The following ADD3 variants were observed in gnomAD, a reference collection of about 807,000 sequenced individuals.
ADD3 encodes gamma-adducin.
A neutral mutation model predicts 80.2 loss-of-function variants in ADD3; 25 were observed. The observed-to-expected ratio is 0.31, with a 90% CI of 0.23 to 0.44. The LOEUF (loss-of-function observed/expected upper bound fraction) is 0.44. Among genes scored for constraint, ADD3 ranks in the 20% least tolerant of loss-of-function variants. ADD3 has a pLI of 1.00. For synonymous variants in ADD3, 284 were observed against 289.6 expected, an observed-to-expected ratio of 0.98 and a Z score of 0.20; for missense variants, 829 against 847.5, an observed-to-expected ratio of 0.98 and a Z score of 0.27.
At chr10:110,065,804 T>C (rs1045731571) in intron 1 of ADD3, among the ~76,000 whole-genome samples, 4 of 151,506 alleles carry the variant, frequency 2.6e-5, no homozygotes, top group African/African-American at 7.3e-5. Context: ...CCTCCCAAAG[T>C]GCTGGGATTA....
At chr10:110,130,770 C>T (rs1329732414) in intron 13 of ADD3, among the ~76,000 whole-genome samples, 3 of 151,606 alleles carry the variant, frequency 2.0e-5, no homozygotes, top group Admixed American at 1.3e-4. Flanking sequence ...GCAGGAGAAT[C>T]GCTTGAACCT....
At chr10:110,053,107 G>C (rs1056923985) in intron 1 of ADD3, among the ~76,000 whole-genome samples, 7 of 152,086 alleles carry the variant, frequency 4.6e-5, no homozygotes, top group African/African-American at 1.5e-4. Flanking sequence ...CAGTAGTACA[G>C]TAAATACAAG....
chr10:110,061,563 T>C (rs375720445), intron 1 of ADD3, among the ~76,000 whole-genome samples: 1 of 152,208 alleles, frequency 6.6e-6, no homozygotes, highest in East Asian at 1.9e-4. Context: ...CTGAAATAGA[T>C]GAAATTCAGG....
At chr10:110,059,193 CG>C (rs34431519) in intron 1 of ADD3, among the ~76,000 whole-genome samples, 98,174 of 152,068 alleles carry the variant, frequency 0.65, 36,615 homozygotes, top group Non-Finnish European at 0.82. Flanking sequence ...CCATACAGGC[CG>C]GGTACAGTGG....
chr10:110,119,450 G>A lies in ADD3; in HGVS notation c.862-16G>A. On this transcript the variant is annotated splice_polypyrimidine_tract_variant and intron_variant, in intron 7 of 14. Transcript: ENST00000356080. ...GCCAGTTATTTCAAGTGATTGCTGTGGGCATTCTATTTTAGGTGCTGGTAC... is the reference window on the plus strand; with the variant it reads ...GCCAGTTATTTCAAGTGATTGCTGTAGGCATTCTATTTTAGGTGCTGGTAC... The A allele has an allele frequency of 6.2e-7, 1 of 1,613,664 alleles. No homozygotes were observed.
At chr10:110,129,154 T>C (rs529302987) in intron 12 of ADD3, among the ~76,000 whole-genome samples, 8 of 149,896 alleles carry the variant, frequency 5.3e-5, no homozygotes, top group African/African-American at 1.7e-4. Flanking sequence ...TTCTTTCTTT[T>C]TTTTTTTTTT....
intron 1 of ADD3, among the ~76,000 whole-genome samples, chr10:110,027,474 A>G (rs547502463): frequency 1.3e-5 from 2 of 152,280 alleles, no homozygotes; most frequent in African/African-American, 4.8e-5. Flanking sequence ...ATTAGTTTCA[A>G]TATATTTGAT....
intron 1 of ADD3, among the ~76,000 whole-genome samples, chr10:110,091,347 G>A (rs1429192243): frequency 2.6e-5 from 4 of 152,016 alleles, no homozygotes; most frequent in Non-Finnish European, 5.9e-5. Flanking sequence ...AGAACCTTTG[G>A]TAATCTGAGA....
At chr10:110,064,752 C>T (rs948925632) in intron 1 of ADD3, among the ~76,000 whole-genome samples, 9 of 152,100 alleles carry the variant, frequency 5.9e-5, no homozygotes, top group Admixed American at 5.9e-4. Flanking sequence ...ATTTTCTATT[C>T]TTATCTTATA....
At chr10:110,089,746 A>C (rs1033660516) in intron 1 of ADD3, among the ~76,000 whole-genome samples, 4 of 151,486 alleles carry the variant, frequency 2.6e-5, no homozygotes, top group African/African-American at 9.7e-5. Context: ...ATATATATAT[A>C]AAATCAGTTT....
chr10:110,122,911 C>A (rs945442182), intron 9 of ADD3, among the ~76,000 whole-genome samples: 1 of 151,950 alleles, frequency 6.6e-6, no homozygotes. Context: ...GGATTACTGG[C>A]GTGAGCTGCC....
At chr10:110,126,755 G>T (rs1398299409) in intron 12 of ADD3, among the ~76,000 whole-genome samples, 2 of 152,164 alleles carry the variant, frequency 1.3e-5, no homozygotes, top group Admixed American at 1.3e-4. Context: ...CTGTTGCCCA[G>T]GATAGTCGTG....
intron 1 of ADD3, among the ~76,000 whole-genome samples, chr10:110,077,929 T>G (rs781370903): frequency 3.9e-5 from 6 of 152,196 alleles, no homozygotes; most frequent in Non-Finnish European, 8.8e-5. Context: ...ATCTATACTC[T>G]CTGGTGTGTG....
chr10:110,091,033 A>G (rs186903671), intron 1 of ADD3, among the ~76,000 whole-genome samples: 1 of 152,350 alleles, frequency 6.6e-6, no homozygotes, highest in African/African-American at 2.4e-5. Context: ...AATACGGATC[A>G]ATCTGACAAT....
intron 1 of ADD3, among the ~76,000 whole-genome samples, chr10:110,089,289 TTCC>T (rs1847186388): frequency 6.6e-6 from 1 of 152,344 alleles, no homozygotes; most frequent in Admixed American, 6.5e-5. Context: ...TTTCTAGTGA[TTCC>T]TCTTTTTAAA....
intron 1 of ADD3, among the ~76,000 whole-genome samples, chr10:110,085,311 T>G (rs1846588535): frequency 1.3e-5 from 2 of 152,198 alleles, no homozygotes; most frequent in African/African-American, 4.8e-5. Context: ...TCTAGAGAAC[T>G]TTTTCTAAAG....
At chr10:110,051,767 T>G (rs1482562446) in intron 1 of ADD3, among the ~76,000 whole-genome samples, 3 of 152,232 alleles carry the variant, frequency 2.0e-5, no homozygotes, top group African/African-American at 4.8e-5. Flanking sequence ...GAAGAGTAAC[T>G]TAATTGTATA....
intron 1 of ADD3, among the ~76,000 whole-genome samples, chr10:110,084,189 G>C (rs1846414147): frequency 6.6e-6 from 1 of 152,104 alleles, no homozygotes; most frequent in Non-Finnish European, 1.5e-5. Context: ...ACTCTTCCTG[G>C]TGAATTACCA....
rs1851173267 is a variant in ADD3 at position 110,119,343 on chromosome 10, C to T, written c.850C>T (p.Pro284Ser). 1 of 1,613,934 alleles carries T rather than the reference C, an allele frequency of 6.2e-7. No homozygotes were observed. Among genetic ancestry groups the T allele is most frequent in the East Asian group, 2.2e-5 (1 of 44,870 alleles). Residue 284 changes from proline to serine, a missense_variant, in exon 7 of 15, where the codon CCA (proline) becomes TCA (serine). By Grantham distance (74) the Pro-to-Ser change is moderately conservative (BLOSUM62 -1). Coordinates refer to ENST00000356080, the MANE Select transcript of ADD3 (RefSeq NM_016824.5). ...ERIQLQKVLG[P>S]SCKVLVLRNH... Reference sequence around the variant, plus strand: ...AATTCAACTGCAGAAGGTTCTGGGACCAAGTTGTAAGGTATGTAGTAGAGT... The same window carrying T: ...AATTCAACTGCAGAAGGTTCTGGGATCAAGTTGTAAGGTATGTAGTAGAGT...
Sources: gnomAD v4.1 joint callset for allele counts (sites outside exome capture counted in the v4.1 genomes callset) on GRCh38, gnomAD v4.1.1 for gene constraint, MANE v1.5 for transcripts, NCBI Gene and HGNC (gene_info 2026-07-23, HGNC 2026-07-21) for gene names.